The following NAGK variants were observed in gnomAD, a reference collection of about 807,000 sequenced individuals.
The protein encoded by NAGK is N-acetylglucosamine kinase.
Under a neutral mutation model 42.9 loss-of-function variants are expected in NAGK, and 35 were observed. The observed-to-expected ratio is 0.82, with a 90% CI of 0.62 to 1.08. NAGK has a LOEUF of 1.08. Among genes scored for constraint, NAGK ranks in the 50% least tolerant of loss-of-function variants. The pLI, the probability that NAGK is intolerant of heterozygous loss-of-function variation, is 0.00. For missense variants in NAGK, 446 were observed against 446.0 expected, an observed-to-expected ratio of 1.00 and a Z score of 0.00; for synonymous variants, 172 against 176.0, an observed-to-expected ratio of 0.98 and a Z score of 0.18.
Position 71,071,737 on chromosome 2 carries a change from G to C in NAGK, c.265G>C (p.Glu89Gln). Reference protein sequence around the residue: ...DQEDAGRILIEELRDRFPYLS... With the variant: ...DQEDAGRILIQELRDRFPYLS... ...GGAGGACGCGGGGAGGATCCTGATC[G>C]AGGAGCTGAGGGACCGATTTCCCTA... The change falls in exon 4 of 10, where the codon GAG (glutamate) becomes CAG (glutamine). Residue 89 changes from glutamate (E) to glutamine (Q), a missense_variant. Transcript: ENST00000244204. The C allele has an allele frequency of 6.2e-7, 1 of 1,614,126 alleles. No individual in the cohort carries two copies. The highest frequency in any genetic ancestry group is 8.5e-7 in the Non-Finnish European group (1 of 1,180,028).
chr2:71,078,347 G>C lies in NAGK; in HGVS notation c.874G>C (p.Glu292Gln), dbSNP rs1249360768. Residue 292 changes from glutamate (E) to glutamine (Q), a missense_variant, in exon 10 of 10, where the codon GAG (glutamate) becomes CAG (glutamine). Physicochemically the swap from Glu to Gln is conservative, Grantham distance 29. Transcript: ENST00000244204. ...GFLLALTQGR[E>Q]IQAQNFFSSF... ...TCTTCTGGCGCTGACCCAGGGCAGA[G>C]AGATCCAGGCTCAGAACTTCTTCTC... The C allele has an allele frequency of 7.4e-6, 12 of 1,614,046 alleles. No homozygotes were observed. The highest frequency in any genetic ancestry group is 1.6e-4 in the Middle Eastern group (1 of 6,082).
chr2:71,074,669 C>T (rs1672145930), intron 6 of NAGK: 1 of 152,282 alleles, frequency 6.6e-6, no homozygotes, highest in Non-Finnish European at 1.5e-5. Context: ...AATCCCAGCA[C>T]TTTGAGAGGC....
chr2:71,072,457 G>C, intron 4 of NAGK, 184 bp from the exon 5 acceptor site: 1 of 562,770 alleles, frequency 1.8e-6, no homozygotes, highest in Non-Finnish European at 3.2e-6. Flanking sequence ...TGGGATTAGA[G>C]TTTTTCTGAG....
At position 71,079,334 on chromosome 2, in the gene NAGK, G is replaced by A. The variant is rs1416807593; in HGVS notation, c.*826G>A. 2 of 152,172 alleles carry A rather than the reference G, an allele frequency of 1.3e-5. No homozygotes were observed. The highest frequency in any genetic ancestry group is 4.8e-5 in the African/African-American group (2 of 41,428). The allele number at this position is 152,172 out of a possible 1,614,324, so 9.4% of individuals were successfully genotyped here. A position where few individuals can be genotyped will look rare whatever the true frequency, so the allele number is the denominator to read the frequency against. On this transcript the variant is annotated 3_prime_UTR_variant, in exon 10 of 10. Coordinates refer to ENST00000244204, the MANE Select transcript of NAGK (RefSeq NM_017567.6). ...CCAGTGAAGGCAAACCTGAAGCTTCGGTTCCACAGCCTGTGCTGCTTGGTG... is the reference window on the plus strand; with the variant it reads ...CCAGTGAAGGCAAACCTGAAGCTTCAGTTCCACAGCCTGTGCTGCTTGGTG...
chr2:71,071,653 T>G (rs559944477), intron 3 of NAGK, 33 bp from the exon 4 acceptor site: 1 of 1,592,654 alleles, frequency 6.3e-7, no homozygotes, highest in East Asian at 2.3e-5. Flanking sequence ...GGGCTGGGGC[T>G]CTGCACACTC....
At chr2:71,068,483 C>T (rs897828565), upstream of NAGK, 6 of 1,416,956 alleles carry the variant, frequency 4.2e-6, no homozygotes, top group Non-Finnish European at 5.5e-6. Flanking sequence ...GAGGAGACAC[C>T]AGAAGGAAGA....
At chr2:71,069,304 G>A (rs1671909532) in intron 1 of NAGK, 1 of 164,634 alleles carries the variant, frequency 6.1e-6, no homozygotes, top group Non-Finnish European at 1.3e-5. Flanking sequence ...GTATGACCAT[G>A]GACAAGATAT....
chr2:71,070,451 C>G, intron 1 of NAGK, 51 bp from the exon 2 acceptor site: 2 of 1,516,788 alleles, frequency 1.3e-6, no homozygotes, highest in Non-Finnish European at 9.1e-7. Flanking sequence ...AAGCTTAGCT[C>G]TCTCTGTGGG....
chr2:71,077,449 G>T, intron 8 of NAGK, 109 bp from the exon 9 acceptor site: 2 of 1,052,998 alleles, frequency 1.9e-6, no homozygotes, highest in Non-Finnish European at 2.8e-6. Context: ...CTGTTTCTTG[G>T]CTTGAGGGCG....
chr2:71,070,103 C>G lies in NAGK; in HGVS notation c.30-399C>G, dbSNP rs180796534. 575 of 201,456 alleles carry G rather than the reference C, an allele frequency of 2.9e-3. 10 individuals are homozygous for G. The highest frequency in any genetic ancestry group is 0.02 in the South Asian group (259 of 12,856). 12.5% of individuals were successfully genotyped at this position (201,456 alleles called of 1,614,324 possible). On this transcript the variant is annotated intron_variant, in intron 1 of 9. Coordinates refer to ENST00000244204, the MANE Select transcript of NAGK (RefSeq NM_017567.6). The stretch of plus-strand genomic sequence containing the variant: ...TGATCAGGAGCTTGACCCAGTGGAG[C>G]TTGAAGTCTAGTGAGAGGCGGACAC...
chr2:71,077,650 GA>G lies in NAGK; in HGVS notation c.844+15del, dbSNP rs755384777. The G allele has an allele frequency of 1.8e-5, 28 of 1,596,680 alleles. No homozygotes were observed. The highest frequency in any genetic ancestry group is 2.3e-5 in the Non-Finnish European group (27 of 1,171,584). ...TGCTGAAGGAAGGTGAGCCTGGGGG[GA>G]GGCTGGAAGGGCAAGGGCAGGGGAC... On this transcript the variant is annotated intron_variant, in intron 9 of 9. Transcript: ENST00000244204.
chr2:71,077,585 C>A lies in NAGK; in HGVS notation c.793C>A (p.Pro265Thr), dbSNP rs1177202947. 6.2e-7 allele frequency: 1 copy of A among 1,609,540 alleles called. No homozygotes were observed. Among genetic ancestry groups the A allele is most frequent in the Non-Finnish European group, 8.5e-7 (1 of 1,178,018 alleles). Reference protein sequence around the residue: ...PVLFQGKIGLPILCVGSVWKS... With the variant: ...PVLFQGKIGLTILCVGSVWKS... The stretch of plus-strand genomic sequence containing the variant: ...CTTGTTCCAGGGCAAGATTGGACTC[C>A]CCATCCTGTGCGTGGGCTCTGTGTG... Residue 265 changes from proline to threonine, a missense_variant, in exon 9 of 10, where the codon CCC becomes ACC. Transcript: ENST00000244204.
At chr2:71,078,282 C>T (rs1259660071) in intron 9 of NAGK, 36 bp from the exon 10 acceptor site, 2 of 1,601,798 alleles carry the variant, frequency 1.2e-6, no homozygotes, top group Non-Finnish European at 8.6e-7. Flanking sequence ...GGTTGCTGTT[C>T]TCCTCTTATC....
chr2:71,068,485 G>A (rs1671862661), upstream of NAGK: 1 of 1,419,724 alleles, frequency 7.0e-7, no homozygotes, highest in South Asian at 1.5e-5. Context: ...GGAGACACCA[G>A]AAGGAAGACA....
chr2:71,076,841 A>G (rs1672229807), intron 8 of NAGK, 140 bp downstream of exon 8: 3 of 731,574 alleles, frequency 4.1e-6, no homozygotes, highest in Non-Finnish European at 6.6e-6. Flanking sequence ...AGCATTCTGC[A>G]GAATGTCTGT....
intron 3 of NAGK, 188 bp from the exon 4 acceptor site, chr2:71,071,498 G>T (rs1159668233): frequency 1.9e-5 from 14 of 741,134 alleles, no homozygotes; most frequent in Non-Finnish European, 1.3e-5. Flanking sequence ...TCCATCCCCA[G>T]TCCAGGTTGT....
Position 71,072,764 on chromosome 2 carries a change from A to G in NAGK, c.466+13A>G. The G allele has an allele frequency of 6.2e-7, 1 of 1,605,794 alleles. No individual in the cohort carries two copies. Among genetic ancestry groups the G allele is most frequent in the South Asian group, 1.1e-5 (1 of 90,674 alleles). On this transcript the variant is annotated intron_variant, in intron 5 of 9. Transcript: ENST00000244204. ...GATGAGGGTTCAGGTGAGCTCACTG[A>G]CTGGCCCAGCTCCAGGTCCTGGATC...
In NAGK at chr2:71,079,213, G is replaced by C. The variant is rs1672325073; in HGVS notation, c.*705G>C. Reference sequence around the variant, plus strand: ...TCCTGGCTACTACTAGCCTGGCTCTGCTTACAGCGTGACACTATGTGTTGT... The same window carrying C: ...TCCTGGCTACTACTAGCCTGGCTCTCCTTACAGCGTGACACTATGTGTTGT... On this transcript the variant is annotated 3_prime_UTR_variant, in exon 10 of 10. Coordinates refer to ENST00000244204, the MANE Select transcript of NAGK (RefSeq NM_017567.6). 1 of 152,278 alleles carries C rather than the reference G, an allele frequency of 6.6e-6. No individual in the cohort carries two copies. Among genetic ancestry groups the C allele is most frequent in the Admixed American group, 6.5e-5 (1 of 15,288 alleles). The allele number at this position is 152,278 out of a possible 1,614,324, so 9.4% of individuals were successfully genotyped here.
chr2:71,078,419 G>A lies in NAGK; in HGVS notation c.946G>A (p.Ala316Thr). Residue 316 changes from alanine to threonine, a missense_variant, in exon 10 of 10, where the codon GCC becomes ACC. Coordinates refer to ENST00000244204, the MANE Select transcript of NAGK (RefSeq NM_017567.6). ...GAGGCACTCCTCCGCTCTGGGTGGGGCCAGCCTAGGGGCCAGGCACATCGG... is the reference window on the plus strand; with the variant it reads ...GAGGCACTCCTCCGCTCTGGGTGGGACCAGCCTAGGGGCCAGGCACATCGG... ...KLRHSSALGG[A>T]SLGARHIGHL... The A allele has an allele frequency of 6.2e-7, 1 of 1,613,996 alleles. No homozygotes were observed. The highest frequency in any genetic ancestry group is 8.5e-7 in the Non-Finnish European group (1 of 1,179,938).
Sources: allele counts gnomAD v4.1 joint callset, GRCh38; gene constraint gnomAD v4.1.1; transcripts MANE v1.5; gene names NCBI Gene and HGNC (gene_info 2026-07-23, HGNC 2026-07-21).